OR1L8: variants seen among roughly 807,000 people sequenced by gnomAD.
OR1L8 encodes the protein olfactory receptor family 1 subfamily L member 8.
For synonymous variants in OR1L8, 148 were observed against 147.0 expected (o/e 1.01, Z -0.05); for missense variants, 330 against 377.4 (o/e 0.87, Z 1.04).
chr9:122,579,840 T>A (rs1282730715), intron 1 of OR1L8, among the ~76,000 whole-genome samples: 2 of 152,190 alleles, frequency 1.3e-5, no homozygotes, highest in Non-Finnish European at 2.9e-5. Context: ...ATTGAGTGCT[T>A]ACAAAGTCAT....
intron 4 of OR1L8, among the ~76,000 whole-genome samples, chr9:122,571,136 C>T (rs371434227): frequency 1.3e-5 from 2 of 152,172 alleles, no homozygotes; most frequent in African/African-American, 4.8e-5. Flanking sequence ...ACTTTCTTGT[C>T]CCATGTTCAG....
At chr9:122,580,320 T>C (rs2050896) in intron 1 of OR1L8, among the ~76,000 whole-genome samples, 1 of 151,686 alleles carries the variant, frequency 6.6e-6, no homozygotes, top group Non-Finnish European at 1.5e-5. Flanking sequence ...CTAGGAAATG[T>C]ATTCTTTTTA....
intron 3 of OR1L8, among the ~76,000 whole-genome samples, chr9:122,575,638 TTTA>T (rs1428349876): frequency 6.6e-6 from 1 of 152,156 alleles, no homozygotes; most frequent in Non-Finnish European, 1.5e-5. Flanking sequence ...AAAACTAAAT[TTTA>T]TTGTATATAT....
At chr9:122,578,644 C>T (rs994189511) in intron 1 of OR1L8, among the ~76,000 whole-genome samples, 199 bp from the exon 2 acceptor site, 3 of 151,910 alleles carry the variant, frequency 2.0e-5, no homozygotes, top group African/African-American at 7.3e-5. Context: ...AAAATAATGG[C>T]ATTCACGGCA....
At chr9:122,558,188 ATGTCC>A in the OR1L8 span, among the ~76,000 whole-genome samples, 2 of 150,374 alleles carry the variant, frequency 1.3e-5, no homozygotes, top group African/African-American at 2.4e-5. Context: ...TTCTTTAATA[ATGTCC>A]TATTGTCCTA....
chr9:122,552,036 T>TACACAC, the OR1L8 span, among the ~76,000 whole-genome samples: 2 of 123,882 alleles, frequency 1.6e-5, no homozygotes, highest in African/African-American at 5.5e-5. Flanking sequence ...GTAGGACACA[T>TACACAC]ACACACACAC....
chr9:122,558,577 A>G, the OR1L8 span, among the ~76,000 whole-genome samples: 1 of 151,676 alleles, frequency 6.6e-6, no homozygotes, highest in African/African-American at 2.4e-5. Context: ...TGATGCCTTC[A>G]AGAACATATT....
the OR1L8 span, among the ~76,000 whole-genome samples, chr9:122,556,808 T>A: frequency 1.3e-5 from 2 of 152,222 alleles, no homozygotes; most frequent in Non-Finnish European, 2.9e-5. Flanking sequence ...GGGTTTTGAT[T>A]GAGGCTATGT....
chr9:122,554,900 T>C, the OR1L8 span, among the ~76,000 whole-genome samples: 46,562 of 152,020 alleles, frequency 0.31, 8,008 homozygotes, highest in East Asian at 0.81. Flanking sequence ...TCTGAATTCT[T>C]TCATAAAATA....
the OR1L8 span, among the ~76,000 whole-genome samples, chr9:122,556,457 A>G: frequency 6.6e-6 from 1 of 151,932 alleles, no homozygotes; most frequent in Non-Finnish European, 1.5e-5. Flanking sequence ...TCTTTTGTCA[A>G]TGCCACACTA....
intron 1 of OR1L8, among the ~76,000 whole-genome samples, chr9:122,581,587 T>G (rs540396115): frequency 2.9e-4 from 44 of 152,264 alleles, no homozygotes; most frequent in African/African-American, 1.1e-3. Context: ...AAATAAAATT[T>G]AGAAGTCTAG....
At chr9:122,574,074 C>T (rs1371458110) in intron 3 of OR1L8, among the ~76,000 whole-genome samples, 1 of 152,086 alleles carries the variant, frequency 6.6e-6, no homozygotes, top group African/African-American at 2.4e-5. Flanking sequence ...TACCATTGAT[C>T]TATTTGCCTA....
chr9:122,559,126 T>A, the OR1L8 span, among the ~76,000 whole-genome samples: 3 of 152,044 alleles, frequency 2.0e-5, no homozygotes, highest in Non-Finnish European at 4.4e-5. Context: ...CATGCTTTTG[T>A]ACAATAGAAC....
chr9:122,573,595 T>C (rs1829590507), intron 3 of OR1L8, among the ~76,000 whole-genome samples: 1 of 152,228 alleles, frequency 6.6e-6, no homozygotes, highest in Admixed American at 6.5e-5. Context: ...GGGTTGTATA[T>C]TTTCTTATTG....
chr9:122,553,743 C>T, the OR1L8 span: 3 of 1,613,932 alleles, frequency 1.9e-6, no homozygotes, highest in South Asian at 3.3e-5. Flanking sequence ...GAAAGCCATC[C>T]CTCATTTCTA....
rs766298784 is a variant in OR1L8, at chr9:122,567,661, C to T, written c.817G>A (p.Val273Met). Residue 273 changes from valine (V) to methionine (M), a missense_variant, in exon 5 of 5, where the codon GTG becomes ATG. Coordinates refer to ENST00000641027, the MANE Select transcript of OR1L8 (RefSeq NM_001004454.2). Reference protein sequence around the residue: ...PPSTYAVKDHVATIVYTVLSS... With the variant: ...PPSTYAVKDHMATIVYTVLSS... The stretch of plus-strand genomic sequence containing the variant: ...AAAACTGTGTAAACAATTGTTGCCA[C>T]GTGGTCCTTGACAGCGTAGGTGGAT... The T allele has an allele frequency of 3.7e-6, 6 of 1,613,966 alleles. No homozygotes were observed. The highest frequency in any genetic ancestry group is 2.7e-5 in the African/African-American group (2 of 74,890).
downstream of OR1L8, among the ~76,000 whole-genome samples, chr9:122,566,442 T>C (rs1384767947): frequency 6.6e-6 from 1 of 152,046 alleles, no homozygotes. Context: ...TTCATATTTA[T>C]ATAATGTTTT....
the OR1L8 span, among the ~76,000 whole-genome samples, chr9:122,550,188 G>C: frequency 0.3 from 45,647 of 151,742 alleles, 7,362 homozygotes; most frequent in East Asian, 0.54. Context: ...TAAAATCTCC[G>C]AAGATTGTGC....
At chr9:122,554,362 G>A in the OR1L8 span, 1 of 532,796 alleles carries the variant, frequency 1.9e-6, no homozygotes, top group South Asian at 2.4e-5. Flanking sequence ...CCTCTTTCCT[G>A]ACCCCAGTGA....
Sources: allele counts gnomAD v4.1 joint callset (sites outside exome capture counted in the v4.1 genomes callset), GRCh38; gene constraint gnomAD v4.1.1; transcripts MANE v1.5; gene names NCBI Gene and HGNC (gene_info 2026-07-23, HGNC 2026-07-21).